RALGDS: variants seen among roughly 807,000 people sequenced by gnomAD.
RALGDS encodes the protein ral guanine nucleotide dissociation stimulator.
RALGDS carries 44 observed loss-of-function variants against 99.8 expected under a neutral mutation model. That is an observed-to-expected ratio of 0.44 (90% confidence interval 0.35 to 0.57). RALGDS has a LOEUF of 0.57. Ranked by LOEUF, RALGDS falls within the 20% of genes least tolerant of loss-of-function variation. The pLI is 0.01. For missense variants in RALGDS, 1,022 were observed against 1,203.1 expected (o/e 0.85, Z 2.23); for synonymous variants, 529 against 505.0 (o/e 1.05, Z -0.64).
upstream of RALGDS, among the ~76,000 whole-genome samples, chr9:133,124,864 T>C (rs1412329710): frequency 1.3e-5 from 2 of 152,230 alleles, no homozygotes; most frequent in Non-Finnish European, 2.9e-5. Context: ...CCACTCACAG[T>C]GTTCTCCTCA....
At chr9:133,121,347 C>T, upstream of RALGDS, 1 of 510,174 alleles carries the variant, frequency 2.0e-6, no homozygotes, top group Non-Finnish European at 2.5e-6. Context: ...GGGACGCGTG[C>T]GTGCGCGCGC....
upstream of RALGDS, among the ~76,000 whole-genome samples, chr9:133,132,317 G>T (rs1004829372): frequency 4.6e-5 from 7 of 152,180 alleles, no homozygotes; most frequent in Non-Finnish European, 7.3e-5. Flanking sequence ...GGCGGCAGGG[G>T]TTGGTATCCG....
exon 1 of RALGDS, chr9:133,148,987 C>G: frequency 3.1e-6 from 5 of 1,587,412 alleles, no homozygotes; most frequent in Non-Finnish European, 4.3e-6. Context: ...TCATCCTCAG[C>G]CTCGGTGGCA....
intron 10 of RALGDS, among the ~76,000 whole-genome samples, 194 bp downstream of exon 10, chr9:133,104,069 G>A (rs1036251157): frequency 1.1e-4 from 16 of 152,180 alleles, no homozygotes; most frequent in African/African-American, 3.9e-4. Context: ...CGCCTGAGCC[G>A]GCTCTGCCAG....
At chr9:133,134,708 C>G (rs1402165177), upstream of RALGDS, among the ~76,000 whole-genome samples, 9 of 152,194 alleles carry the variant, frequency 5.9e-5, no homozygotes, top group African/African-American at 2.2e-4. Context: ...GCTGGGGACT[C>G]TGACTTCCAT....
chr9:133,101,335 T>C, intron 16 of RALGDS, 185 bp downstream of exon 16: 2 of 1,453,530 alleles, frequency 1.4e-6, no homozygotes, highest in Non-Finnish European at 1.9e-6. Context: ...GCTCCTTTCC[T>C]CCCCCTCTGC....
chr9:133,098,814 G>GGAT (rs1332433126), intron 17 of RALGDS, 52 bp from the exon 18 acceptor site: 1 of 1,575,160 alleles, frequency 6.3e-7, no homozygotes, highest in African/African-American at 1.3e-5. Flanking sequence ...GGGCCCTGCA[G>GGAT]GATACCCCTA....
In RALGDS at chr9:133,107,144, G is replaced by C. The variant is rs771738406; in HGVS notation, c.1354C>G (p.Arg452Gly). ...GCCCTGTCTGGGGCTTTCGTGCTTC[G>C]GTTCCCGAGGCAGGTGGTGATGACA... is the stretch of plus-strand genomic sequence containing the variant. ...NCVITTCLGN[R>G]STKAPDRARV... Residue 452 changes from arginine (R) to glycine (G), a missense_variant, in exon 7 of 18, where the codon CGA becomes GGA. Transcript: ENST00000372050. 6.2e-7 allele frequency: 1 copy of C among 1,613,796 alleles called. No individual in the cohort carries two copies.
intron 1 of RALGDS, among the ~76,000 whole-genome samples, chr9:133,130,159 A>G (rs1207021628): frequency 6.6e-6 from 1 of 151,976 alleles, no homozygotes; most frequent in Non-Finnish European, 1.5e-5. Flanking sequence ...TTTAGTAGAG[A>G]TGGGGCTTCA....
At chr9:133,100,466 G>T in intron 16 of RALGDS, 84 bp from the exon 17 acceptor site, 1 of 1,607,128 alleles carries the variant, frequency 6.2e-7, no homozygotes, top group South Asian at 1.1e-5. Context: ...ACCCTCTGGA[G>T]TCCCCTCAGC....
rs751539855 is a variant in RALGDS, at chr9:133,108,250, G to C, written c.935C>G (p.Ala312Gly). The change falls in exon 6 of 18, where the codon GCT becomes GGT. Residue 312 changes from alanine to glycine, a missense_variant. Physicochemically the swap from Ala to Gly is moderately conservative, Grantham distance 60. Coordinates refer to ENST00000372050, the MANE Select transcript of RALGDS (RefSeq NM_006266.4). ...GSELEVAPAPAPELQQAPEPA... is the reference protein window; with the variant it reads ...GSELEVAPAPGPELQQAPEPA... ...CTCTGGAGCCTGCTGGAGCTCCGGA[G>C]CTGGTGCTGGAGCTACTTCTAGCTC... The C allele has an allele frequency of 6.2e-7, 1 of 1,600,560 alleles. No homozygotes were observed. The highest frequency in any genetic ancestry group is 8.5e-7 in the Non-Finnish European group (1 of 1,173,506).
intron 1 of RALGDS, among the ~76,000 whole-genome samples, chr9:133,117,975 C>T (rs895215827): frequency 3.9e-5 from 6 of 152,240 alleles, no homozygotes; most frequent in African/African-American, 1.2e-4. Flanking sequence ...GCTCTGGCAA[C>T]GAGCAGCTTG....
chr9:133,108,593 A>C, intron 5 of RALGDS, 80 bp downstream of exon 5: 3 of 1,554,096 alleles, frequency 1.9e-6, no homozygotes, highest in Admixed American at 1.7e-5. Context: ...CCAGCACCAG[A>C]CCCTGGAGCC....
intron 1 of RALGDS, among the ~76,000 whole-genome samples, chr9:133,146,419 T>C (rs1273317545): frequency 6.6e-6 from 1 of 152,154 alleles, no homozygotes; most frequent in Non-Finnish European, 1.5e-5. Flanking sequence ...GTTGAACTCC[T>C]GACCTCAGGT....
At chr9:133,100,169 C>G in intron 17 of RALGDS, 99 bp downstream of exon 17, 1 of 1,095,164 alleles carries the variant, frequency 9.1e-7, no homozygotes. Context: ...TACCCACACT[C>G]TGCTGGTGAA....
upstream of RALGDS, among the ~76,000 whole-genome samples, chr9:133,124,452 C>T (rs1033418441): frequency 6.6e-6 from 1 of 152,054 alleles, no homozygotes; most frequent in African/African-American, 2.4e-5. Context: ...GAGGCAGAGG[C>T]AGGATTTCTT....
intron 12 of RALGDS, 104 bp downstream of exon 12, chr9:133,103,126 C>T: frequency 6.7e-7 from 1 of 1,491,430 alleles, no homozygotes; most frequent in Non-Finnish European, 9.3e-7. Context: ...GTCCAAATGT[C>T]CCATGTCCCA....
At chr9:133,106,585 T>A (rs1272584923) in intron 8 of RALGDS, 60 bp downstream of exon 8, 1 of 1,320,688 alleles carries the variant, frequency 7.6e-7, no homozygotes, top group African/African-American at 1.5e-5. Flanking sequence ...ACTAAGGGGG[T>A]GATGCCAGCC....
In RALGDS at chr9:133,102,914, G is replaced by A; in HGVS notation, c.1792-14C>T. On this transcript the variant is annotated splice_polypyrimidine_tract_variant and intron_variant, in intron 12 of 17. Coordinates refer to ENST00000372050, the MANE Select transcript of RALGDS (RefSeq NM_006266.4). Reference sequence around the variant, plus strand: ...CACCTCGAACTCCTGGGGCCAGAGGGAAGCACAGGGCGGTGACAAGGCCCC... The same window carrying A: ...CACCTCGAACTCCTGGGGCCAGAGGAAAGCACAGGGCGGTGACAAGGCCCC... 5.0e-6 allele frequency: 8 copies of A among 1,612,602 alleles called. No homozygotes were observed. Among genetic ancestry groups the A allele is most frequent in the Non-Finnish European group, 6.8e-6 (8 of 1,179,890 alleles).
Sources: gnomAD v4.1 joint callset for allele counts (sites outside exome capture counted in the v4.1 genomes callset) on GRCh38, gnomAD v4.1.1 for gene constraint, MANE v1.5 for transcripts, NCBI Gene and HGNC (gene_info 2026-07-23, HGNC 2026-07-21) for gene names.